The following ST7L variants were observed in gnomAD, a reference collection of about 807,000 sequenced individuals.
The protein encoded by ST7L is suppression of tumorigenicity 7 like.
A neutral mutation model predicts 72.5 loss-of-function variants in ST7L; 57 were observed. The observed-to-expected ratio is 0.79, with a 90% CI of 0.64 to 0.98. The LOEUF is 0.98. Among genes scored for constraint, ST7L ranks in the 50% least tolerant of loss-of-function variants. The pLI, the probability that ST7L is intolerant of heterozygous loss-of-function variation, is 0.00. For missense variants in ST7L, 576 were observed against 672.2 expected (o/e 0.86, Z 1.58); for synonymous variants, 221 against 240.9 (o/e 0.92, Z 0.77).
intron 11 of ST7L, among the ~76,000 whole-genome samples, chr1:112,562,399 G>A (rs1307557831): frequency 6.6e-6 from 1 of 152,060 alleles, no homozygotes; most frequent in East Asian, 1.9e-4. Flanking sequence ...AGTAAGACAA[G>A]TGCCCTGCTT....
Position 112,564,658 on chromosome 1 carries a change from A to T in ST7L, c.1246-8640T>A, listed in dbSNP as rs1327480833. Among the ~76,000 whole-genome samples, 4 of 151,978 alleles carry T rather than the reference A, an allele frequency of 2.6e-5. No individual in the cohort carries two copies. The East Asian group carries it at 7.8e-4, about 29-fold the overall frequency. On this transcript the variant is annotated intron_variant, in intron 11 of 14. Transcript: ENST00000358039. Reference sequence around the variant, plus strand: ...ATGGTGAAACCCTGCCTCTACTAAAAATACAAAAATTGCCCAGGTGTGGTG... The same window carrying T: ...ATGGTGAAACCCTGCCTCTACTAAATATACAAAAATTGCCCAGGTGTGGTG...
downstream of ST7L, chr1:112,522,887 G>C (rs1652958231): frequency 6.6e-6 from 1 of 152,292 alleles, no homozygotes; most frequent in East Asian, 1.9e-4. Context: ...GGATTAAGGA[G>C]GGGGAAATGG....
At chr1:112,571,425 A>T in intron 11 of ST7L, 1 of 337,182 alleles carries the variant, frequency 3.0e-6, no homozygotes, top group Non-Finnish European at 5.7e-6. Flanking sequence ...ATATATCTAT[A>T]TAGTTTTATT....
rs992595196 is a variant in ST7L, at chr1:112,578,911, G to A, written c.1070-494C>T. On this transcript the variant is annotated intron_variant, in intron 9 of 14. Coordinates refer to ENST00000358039, the MANE Select transcript of ST7L (RefSeq NM_017744.5). ...GTAGGAAAAACCCGTATATGAAGTTGAAAAAGCTGAATCTGAATCTTTATC... is the reference window on the plus strand; with the variant it reads ...GTAGGAAAAACCCGTATATGAAGTTAAAAAAGCTGAATCTGAATCTTTATC... Among the ~76,000 whole-genome samples the A allele has an allele frequency of 3.9e-5, 6 of 152,194 alleles. No homozygotes were observed. In the East Asian group the frequency reaches 1.2e-3, roughly 29 times the overall value.
chr1:112,556,641 A>C (rs1659154419), intron 11 of ST7L, among the ~76,000 whole-genome samples: 1 of 152,188 alleles, frequency 6.6e-6, no homozygotes. Context: ...TCTTAAGTGA[A>C]TAATTATAAC....
chr1:112,569,639 T>C lies in ST7L; in HGVS notation c.1245+7347A>G, dbSNP rs117051593. On this transcript the variant is annotated intron_variant, in intron 11 of 14. Transcript: ENST00000358039. ...AATTATATCCTTTAAAAGTGAATTT[T>C]ATAGTATGTAAATTATCTCAATAAG... Among the ~76,000 whole-genome samples the C allele has an allele frequency of 1.1e-3, 162 of 152,330 alleles. 1 individual carries two copies. In the East Asian group the frequency reaches 0.015, roughly 14 times the overall value.
chr1:112,560,804 A>G (rs759664990), intron 11 of ST7L, among the ~76,000 whole-genome samples: 17 of 152,058 alleles, frequency 1.1e-4, no homozygotes, highest in Non-Finnish European at 2.2e-4. Flanking sequence ...TCTACTAAAG[A>G]CACAAAAAAT....
At chr1:112,568,330 ATTT>A (rs776031521) in intron 11 of ST7L, among the ~76,000 whole-genome samples, 3 of 116,796 alleles carry the variant, frequency 2.6e-5, no homozygotes, top group Admixed American at 8.9e-5. Flanking sequence ...CTGTAATAAT[ATTT>A]TTTTTTTTTT....
rs974579302 is a variant in ST7L, at chr1:112,524,102, C to A, written c.*1911G>T. 5.2e-5 allele frequency: 8 copies of A among 152,580 alleles called. 1 individual carries two copies. The highest frequency in any genetic ancestry group is 6.8e-3 in the Middle Eastern group (2 of 294). The allele number at this position is 152,580 out of a possible 1,614,324, so 9.5% of individuals were successfully genotyped here. ...TCTAATTTCTGAACACTCACTGCTT[C>A]ATTTCTATTCCTCCTGTTGCAGGGA... On this transcript the variant is annotated 3_prime_UTR_variant, in exon 15 of 15. Transcript: ENST00000358039.
intron 12 of ST7L, among the ~76,000 whole-genome samples, chr1:112,555,596 G>A (rs1015407198): frequency 2.0e-5 from 3 of 151,938 alleles, no homozygotes; most frequent in African/African-American, 7.3e-5. Flanking sequence ...TAAGTCAAAG[G>A]GCCAAGTTTT....
At chr1:112,592,843 T>A (rs1395830999) in intron 5 of ST7L, among the ~76,000 whole-genome samples, 2 of 152,192 alleles carry the variant, frequency 1.3e-5, no homozygotes, top group African/African-American at 4.8e-5. Context: ...TTTCAGTATG[T>A]GTTTTCATAT....
At chr1:112,599,073 A>AAAAAAAAAAAAAAT (rs1190968815) in intron 4 of ST7L, among the ~76,000 whole-genome samples, 2 of 56,992 alleles carry the variant, frequency 3.5e-5, no homozygotes, top group Non-Finnish European at 6.2e-5. Flanking sequence ...AAAAAAAAAA[A>AAAAAAAAAAAAAAT]ATATATATAT....
chr1:112,534,432 C>T lies in ST7L; in HGVS notation c.1629+7519G>A, dbSNP rs183449270. On this transcript the variant is annotated intron_variant, in intron 14 of 14. Coordinates refer to ENST00000358039, the MANE Select transcript of ST7L (RefSeq NM_017744.5). Reference sequence around the variant, plus strand: ...TAATGTTCCCATGGTTTCGGTAAGTCTATGTTCCAATGGCTCCAGTAAGAA... The same window carrying T: ...TAATGTTCCCATGGTTTCGGTAAGTTTATGTTCCAATGGCTCCAGTAAGAA... Among the ~76,000 whole-genome samples, 167 of 152,248 alleles carry T rather than the reference C, an allele frequency of 1.1e-3. 2 individuals carry two copies. The highest frequency in any genetic ancestry group is 1.8e-3 in the Non-Finnish European group (122 of 68,008).
At chr1:112,537,226 T>C (rs533837926) in intron 14 of ST7L, among the ~76,000 whole-genome samples, 30 of 152,308 alleles carry the variant, frequency 2.0e-4, no homozygotes, top group African/African-American at 7.0e-4. Flanking sequence ...CTCTAACTCC[T>C]GACCTCAAGT....
intron 3 of ST7L, among the ~76,000 whole-genome samples, chr1:112,604,795 A>AAAAAAG (rs1489391095): frequency 6.7e-6 from 1 of 148,990 alleles, no homozygotes; most frequent in Non-Finnish European, 1.5e-5. Context: ...AAAAAAAAAA[A>AAAAAAG]AAAAAAAAGA....
intron 4 of ST7L, among the ~76,000 whole-genome samples, chr1:112,599,218 C>CACAG (rs1667038211): frequency 1.3e-5 from 2 of 148,928 alleles, no homozygotes; most frequent in African/African-American, 2.5e-5. Flanking sequence ...TAGCCTCAAA[C>CACAG]TTTGATTAAA....
At chr1:112,572,145 A>AG (rs1430040345) in intron 11 of ST7L, among the ~76,000 whole-genome samples, 31 of 152,360 alleles carry the variant, frequency 2.0e-4, no homozygotes, top group African/African-American at 7.2e-4. Context: ...AGGTCTCAAC[A>AG]GTGGGCCTAA....
At chr1:112,542,187 A>AG in intron 13 of ST7L, 97 bp from the exon 14 acceptor site, 1 of 1,282,062 alleles carries the variant, frequency 7.8e-7, no homozygotes, top group Non-Finnish European at 1.0e-6. Flanking sequence ...AAAATTAAAA[A>AG]GAAAAAAAAT....
rs59755766 is a variant in ST7L at position 112,547,561 on chromosome 1, C to CTTTTTTTTTTTTT, written c.1489+3027_1489+3039dup. On this transcript the variant is annotated intron_variant, in intron 13 of 14. Coordinates refer to ENST00000358039, the MANE Select transcript of ST7L (RefSeq NM_017744.5). Reference sequence around the variant, plus strand: ...ACACATTGTCTGTCATCTTTGTCATCTTTTTTTTTTTTTTTTTTTTTTTTT... The same window carrying CTTTTTTTTTTTTT: ...ACACATTGTCTGTCATCTTTGTCATCTTTTTTTTTTTTTTTTTTTTTTTTTTTTTTTTTTTTTT... Among the ~76,000 whole-genome samples, 9 of 61,982 alleles carry CTTTTTTTTTTTTT rather than the reference C, an allele frequency of 1.5e-4. 2 individuals are homozygous for CTTTTTTTTTTTTT. The highest frequency in any genetic ancestry group is 5.8e-4 in the African/African-American group (9 of 15,618). The allele number at this position is 61,982 out of a possible 152,430, so 40.7% of individuals were successfully genotyped here.
Sources: allele counts gnomAD v4.1 joint callset (sites outside exome capture counted in the v4.1 genomes callset), GRCh38; gene constraint gnomAD v4.1.1; transcripts MANE v1.5; gene names NCBI Gene and HGNC (gene_info 2026-07-23, HGNC 2026-07-21).